The following SYNPO2 variants were observed in gnomAD, a reference collection of about 807,000 sequenced individuals.
SYNPO2 encodes the protein synaptopodin-2.
In SYNPO2, 56 loss-of-function variants were observed where a neutral mutation model predicts 85.0. That is an observed-to-expected ratio of 0.66 (90% CI 0.53 to 0.82). SYNPO2 has a LOEUF of 0.82. Ranked by LOEUF, SYNPO2 falls within the 40% of genes least tolerant of loss-of-function variation. SYNPO2 has a pLI of 0.00. For missense variants in SYNPO2, 1,575 were observed against 1,534.2 expected, an observed-to-expected ratio of 1.03 and a Z score of -0.44; for synonymous variants, 602 against 591.1, an observed-to-expected ratio of 1.02 and a Z score of -0.27.
rs762530696 is a variant in SYNPO2 at position 119,031,420 on chromosome 4, G to C, written c.2645G>C (p.Arg882Thr). The change falls in exon 4 of 5, where the codon AGA becomes ACA. Residue 882 changes from arginine to threonine, a missense_variant. Physicochemically the swap from Arg to Thr is moderately conservative, Grantham distance 71 (BLOSUM62 -1). Transcript: ENST00000307142. ...CAGCTCTTTGCTAAAAGGCAGTCGA[G>C]AATGGAGAAGTATGTGGTCGATTCA... Reference protein sequence around the residue: ...GAQLFAKRQSRMEKYVVDSDT... With the variant: ...GAQLFAKRQSTMEKYVVDSDT... 23 of 1,614,028 alleles carry C rather than the reference G, an allele frequency of 1.4e-5. No individual in the cohort carries two copies. Among genetic ancestry groups the C allele is most frequent in the Non-Finnish European group, 1.9e-5 (23 of 1,180,046 alleles).
chr4:118,957,683 G>A (rs1734928353), intron 1 of SYNPO2, among the ~76,000 whole-genome samples: 1 of 152,170 alleles, frequency 6.6e-6, no homozygotes. Flanking sequence ...CCATCCTGAT[G>A]CCTTTCACTA....
At chr4:118,857,615 ACTAAC>A (rs1731528810) in intron 1 of SYNPO2, among the ~76,000 whole-genome samples, 2 of 152,244 alleles carry the variant, frequency 1.3e-5, no homozygotes, top group Non-Finnish European at 2.9e-5. Context: ...CTGTGAAATT[ACTAAC>A]ATTTAGAGTT....
At chr4:118,994,562 A>G (rs1736523191) in intron 1 of SYNPO2, among the ~76,000 whole-genome samples, 1 of 152,148 alleles carries the variant, frequency 6.6e-6, no homozygotes, top group Admixed American at 6.5e-5. Context: ...GGAATCGCTG[A>G]GTTTGAGTAC....
chr4:118,989,016 G>A (rs1173113192), intron 1 of SYNPO2, among the ~76,000 whole-genome samples: 1 of 152,138 alleles, frequency 6.6e-6, no homozygotes, highest in Non-Finnish European at 1.5e-5. Context: ...AAAGAACAAG[G>A]TGGTCACACA....
chr4:118,940,636 C>T (rs1349688075), intron 1 of SYNPO2, among the ~76,000 whole-genome samples: 4 of 152,024 alleles, frequency 2.6e-5, no homozygotes, highest in Admixed American at 6.6e-5. Flanking sequence ...GTAAGGGGTG[C>T]GGTCGGACCC....
rs761923826 is a variant in SYNPO2 at position 119,023,477 on chromosome 4, T to C, written c.153T>C (p.Asp51=). ...KASGSGLCEG[D]EVVSINGNPC... Reference sequence around the variant, plus strand: ...CTGGGTCTGGGCTCTGTGAGGGAGATGAAGTGGTTTCCATCAATGGCAACC... The same window carrying C: ...CTGGGTCTGGGCTCTGTGAGGGAGACGAAGTGGTTTCCATCAATGGCAACC... The change falls in exon 2 of 5, where the codon GAT becomes GAC. Residue 51 remains aspartate (D), a synonymous_variant. Coordinates refer to ENST00000307142, the MANE Select transcript of SYNPO2 (RefSeq NM_133477.3). 3.7e-6 allele frequency: 6 copies of C among 1,613,824 alleles called. No individual in the cohort carries two copies. Among genetic ancestry groups the C allele is most frequent in the Admixed American group, 3.3e-5 (2 of 59,982 alleles).
At chr4:118,916,729 CTTT>C (rs199715189) in intron 1 of SYNPO2, among the ~76,000 whole-genome samples, 20 of 117,040 alleles carry the variant, frequency 1.7e-4, no homozygotes, top group Admixed American at 1.0e-4. Flanking sequence ...ATTTTTCTTT[CTTT>C]TTTTTTTTTT....
intron 1 of SYNPO2, among the ~76,000 whole-genome samples, chr4:118,867,567 A>G (rs1450365666): frequency 6.6e-6 from 1 of 152,010 alleles, no homozygotes; most frequent in Admixed American, 6.6e-5. Context: ...ATAGTGAATG[A>G]ATGCTTCGGT....
intron 1 of SYNPO2, among the ~76,000 whole-genome samples, chr4:118,852,987 A>C (rs56812813): frequency 0.34 from 52,058 of 152,170 alleles, 10,567 homozygotes; most frequent in African/African-American, 0.56. Context: ...TTAAATATTA[A>C]GAAATTGTCA....
chr4:118,860,496 G>C (rs1300398736), intron 1 of SYNPO2, among the ~76,000 whole-genome samples: 1 of 151,450 alleles, frequency 6.6e-6, no homozygotes, highest in African/African-American at 2.4e-5. Context: ...CACTTGCCTT[G>C]GTCTCCTAAA....
intron 1 of SYNPO2, among the ~76,000 whole-genome samples, chr4:118,945,039 A>G (rs1157678751): frequency 6.6e-6 from 1 of 152,170 alleles, no homozygotes; most frequent in East Asian, 1.9e-4. Context: ...TAATTATGGT[A>G]TTTATCTTCT....
At chr4:119,057,312 T>C in intron 4 of SYNPO2, 89 bp from the exon 5 acceptor site, 1 of 1,281,056 alleles carries the variant, frequency 7.8e-7, no homozygotes, top group South Asian at 1.9e-5. Context: ...ATTTTTGCAG[T>C]GCTTGGTAAT....
intron 1 of SYNPO2, among the ~76,000 whole-genome samples, chr4:118,918,063 G>C (rs1733411104): frequency 6.6e-6 from 1 of 152,166 alleles, no homozygotes; most frequent in Admixed American, 6.5e-5. Flanking sequence ...AGTGCCTGCT[G>C]CATGAGCTTA....
chr4:118,879,596 A>C (rs1029323482), intron 1 of SYNPO2, among the ~76,000 whole-genome samples: 2 of 152,194 alleles, frequency 1.3e-5, no homozygotes, highest in African/African-American at 4.8e-5. Context: ...TAGACTTCCC[A>C]GCTGCCAGAC....
intron 1 of SYNPO2, among the ~76,000 whole-genome samples, chr4:119,013,212 C>A (rs1245427568): frequency 6.6e-6 from 1 of 152,102 alleles, no homozygotes; most frequent in South Asian, 2.1e-4. Context: ...GTACCAGGGG[C>A]CTTTGTGTTC....
intron 1 of SYNPO2, among the ~76,000 whole-genome samples, chr4:119,023,125 C>A (rs887033430): frequency 1.8e-4 from 28 of 152,164 alleles, no homozygotes; most frequent in Non-Finnish European, 2.9e-5. Context: ...CATCTTTTTT[C>A]ACTCTTCTCT....
intron 4 of SYNPO2, among the ~76,000 whole-genome samples, chr4:119,041,516 T>A (rs955430139): frequency 5.9e-5 from 9 of 152,096 alleles, no homozygotes; most frequent in African/African-American, 2.2e-4. Flanking sequence ...TTGGTTGTGG[T>A]TGGATTACTT....
At chr4:119,010,307 G>A (rs1477987670) in intron 1 of SYNPO2, among the ~76,000 whole-genome samples, 1 of 152,186 alleles carries the variant, frequency 6.6e-6, no homozygotes, top group Non-Finnish European at 1.5e-5. Context: ...TGGACTTACA[G>A]TTCCATATGG....
chr4:118,977,587 C>T (rs1376414118), intron 1 of SYNPO2, among the ~76,000 whole-genome samples: 1 of 152,240 alleles, frequency 6.6e-6, no homozygotes, highest in African/African-American at 2.4e-5. Context: ...GCTCTGAGGA[C>T]TGCCAGCATG....
Sources: gnomAD v4.1 joint callset for allele counts (sites outside exome capture counted in the v4.1 genomes callset) on GRCh38, gnomAD v4.1.1 for gene constraint, MANE v1.5 for transcripts, NCBI Gene and HGNC (gene_info 2026-07-23, HGNC 2026-07-21) for gene names.